The following SLC25A21 variants were observed in gnomAD, a reference collection of about 807,000 sequenced individuals.
SLC25A21 encodes mitochondrial 2-oxodicarboxylate carrier.
Under a neutral mutation model 43.8 loss-of-function variants are expected in SLC25A21, and 47 were observed. That is an observed-to-expected ratio of 1.07 (90% CI 0.85 to 1.37). The LOEUF (loss-of-function observed/expected upper bound fraction) is 1.37, where lower values mean the gene tolerates loss of function less well. Among genes scored for constraint, SLC25A21 ranks in the 40% most tolerant of loss-of-function variants. The pLI is 0.00. For missense variants in SLC25A21, 352 were observed against 350.2 expected (o/e 1.00, Z -0.04); for synonymous variants, 131 against 121.3 (o/e 1.08, Z -0.52).
chr14:36,985,131 T>A (rs1221025920), intron 1 of SLC25A21, among the ~76,000 whole-genome samples: 3 of 143,534 alleles, frequency 2.1e-5, no homozygotes. Context: ...AACAATGAGA[T>A]CACATGGACA....
Position 36,680,706 on chromosome 14 carries a change from C to T in SLC25A21, c.852G>A (p.Met284Ile). The T allele has an allele frequency of 6.2e-7, 1 of 1,612,976 alleles. No individual in the cohort carries two copies. Among genetic ancestry groups the T allele is most frequent in the South Asian group, 1.1e-5 (1 of 90,818 alleles). ...IMRLGPGGAV[M>I]LLVYEYTYSW... ...AATAGGTGTATTCATAAACCAGCAGCATCACTGCACCACCTAGAAAAGAAA... is the reference window on the plus strand; with the variant it reads ...AATAGGTGTATTCATAAACCAGCAGTATCACTGCACCACCTAGAAAAGAAA... Residue 284 changes from methionine (M) to isoleucine (I), a missense_variant, in exon 10 of 10, where the codon ATG becomes ATA. Met to Ile is a conservative substitution (Grantham distance 10). Coordinates refer to ENST00000331299, the MANE Select transcript of SLC25A21 (RefSeq NM_030631.4).
intron 2 of SLC25A21, among the ~76,000 whole-genome samples, chr14:36,857,084 T>G (rs935781686): frequency 6.6e-6 from 1 of 152,220 alleles, no homozygotes; most frequent in Non-Finnish European, 1.5e-5. Flanking sequence ...AGTAGCCAAA[T>G]GGAATAAAGT....
chr14:37,052,313 G>A (rs114143143), intron 1 of SLC25A21, among the ~76,000 whole-genome samples: 13,607 of 152,116 alleles, frequency 0.089, 1,992 homozygotes, highest in African/African-American at 0.31. Flanking sequence ...CTTTAGGCCT[G>A]TAGGTCCAAA....
intron 2 of SLC25A21, among the ~76,000 whole-genome samples, chr14:36,862,340 C>T (rs1048051386): frequency 3.9e-5 from 6 of 152,152 alleles, no homozygotes; most frequent in African/African-American, 1.4e-4. Context: ...TTCACAATAG[C>T]AAAGACTTGG....
At chr14:36,764,107 G>GGAAGGAAGGAAGGAAGGAAA (rs1566587790) in intron 3 of SLC25A21, among the ~76,000 whole-genome samples, 1 of 43,114 alleles carries the variant, frequency 2.3e-5, no homozygotes, top group African/African-American at 8.4e-5. Context: ...AAGGAAGGAA[G>GGAAGGAAGGAAGGAAGGAAA]GAAGGAAAGA....
At chr14:36,995,267 T>C (rs28420078) in intron 1 of SLC25A21, among the ~76,000 whole-genome samples, 7,095 of 152,270 alleles carry the variant, frequency 0.047, 572 homozygotes, top group African/African-American at 0.16. Context: ...TCTACATACA[T>C]GGTTATCCTA....
At chr14:36,730,221 G>C (rs965409068) in intron 4 of SLC25A21, among the ~76,000 whole-genome samples, 1 of 152,182 alleles carries the variant, frequency 6.6e-6, no homozygotes, top group Non-Finnish European at 1.5e-5. Context: ...GGTTTCTTCA[G>C]TAGACAATGT....
intron 1 of SLC25A21, among the ~76,000 whole-genome samples, chr14:37,080,230 T>C (rs1962359823): frequency 1.3e-5 from 2 of 152,214 alleles, no homozygotes; most frequent in South Asian, 2.1e-4. Context: ...TAACTTCTAC[T>C]GTAGCATTCA....
intron 2 of SLC25A21, among the ~76,000 whole-genome samples, chr14:36,865,293 T>C (rs2138538935): frequency 6.6e-6 from 1 of 152,244 alleles, no homozygotes; most frequent in South Asian, 2.1e-4. Flanking sequence ...AAGTTTGTGG[T>C]GGGCTTATGC....
At chr14:36,813,068 T>C (rs978734666) in intron 3 of SLC25A21, among the ~76,000 whole-genome samples, 1 of 152,122 alleles carries the variant, frequency 6.6e-6, no homozygotes, top group East Asian at 1.9e-4. Flanking sequence ...TTATACTGGA[T>C]AGTTAAAAAA....
At chr14:37,011,447 C>T (rs1286352966) in intron 1 of SLC25A21, among the ~76,000 whole-genome samples, 5 of 152,052 alleles carry the variant, frequency 3.3e-5, no homozygotes, top group Admixed American at 6.6e-5. Context: ...ATGAGAAAAA[C>T]TTCTATAGGA....
In SLC25A21 at chr14:36,824,663, T is replaced by C. The variant is rs192308165; in HGVS notation, c.120-10662A>G. Among the ~76,000 whole-genome samples the C allele has an allele frequency of 1.9e-3, 287 of 152,224 alleles. 1 individual carries two copies. The highest frequency in any genetic ancestry group is 6.7e-3 in the African/African-American group (279 of 41,538). The stretch of plus-strand genomic sequence containing the variant: ...AGAGGAAGCAGTTTTCTGCTTCCAG[T>C]GGTACTGTACTAAAAATTTCATCTC... On this transcript the variant is annotated intron_variant, in intron 2 of 9. Coordinates refer to ENST00000331299, the MANE Select transcript of SLC25A21 (RefSeq NM_030631.4).
In SLC25A21 at chr14:36,936,937, AAC is replaced by A. The variant is rs59337717; in HGVS notation, c.71-61935_71-61934del. Reference sequence around the variant, plus strand: ...TTCCTGCTGCTGGAGGCTCATTTATAACAGTGTACCTGGAGCCATAAGGTCAT... The same window carrying A: ...TTCCTGCTGCTGGAGGCTCATTTATAAGTGTACCTGGAGCCATAAGGTCAT... On this transcript the variant is annotated intron_variant, in intron 1 of 9. Coordinates refer to ENST00000331299, the MANE Select transcript of SLC25A21 (RefSeq NM_030631.4). Among the ~76,000 whole-genome samples, 1,019 of 152,276 alleles carry A rather than the reference AAC, an allele frequency of 6.7e-3. 20 individuals carry two copies. Among genetic ancestry groups the A allele is most frequent in the African/African-American group, 0.023 (947 of 41,574 alleles).
chr14:36,786,950 GTGGTAATAAAATAA>G (rs1162126429), intron 3 of SLC25A21, among the ~76,000 whole-genome samples: 1 of 152,182 alleles, frequency 6.6e-6, no homozygotes, highest in East Asian at 1.9e-4. Flanking sequence ...TTATGAGCCT[GTGGTAATAAAATAA>G]ACACACACAG....
At chr14:36,826,847 C>T (rs1016584958) in intron 2 of SLC25A21, among the ~76,000 whole-genome samples, 5 of 152,176 alleles carry the variant, frequency 3.3e-5, no homozygotes, top group African/African-American at 9.6e-5. Context: ...CCCAGGTGGT[C>T]ACTCTCAGGT....
chr14:36,778,360 C>A (rs1194077113), intron 3 of SLC25A21, among the ~76,000 whole-genome samples: 1 of 152,222 alleles, frequency 6.6e-6, no homozygotes, highest in South Asian at 2.1e-4. Flanking sequence ...ACAAGACCAC[C>A]AACCTATAGG....
intron 1 of SLC25A21, among the ~76,000 whole-genome samples, chr14:37,042,297 T>C (rs1473951898): frequency 6.6e-6 from 1 of 152,204 alleles, no homozygotes; most frequent in Non-Finnish European, 1.5e-5. Context: ...TTGAGTTATG[T>C]TGGGGAGGGG....
At chr14:37,063,980 T>C (rs753108412) in intron 1 of SLC25A21, among the ~76,000 whole-genome samples, 1 of 152,126 alleles carries the variant, frequency 6.6e-6, no homozygotes, top group Non-Finnish European at 1.5e-5. Flanking sequence ...TTAAGGAATA[T>C]CTAGATAACT....
At chr14:36,742,069 T>C (rs537806166) in intron 3 of SLC25A21, among the ~76,000 whole-genome samples, 1 of 152,336 alleles carries the variant, frequency 6.6e-6, no homozygotes, top group South Asian at 2.1e-4. Context: ...TTCCATTTCT[T>C]GTATGGAAGC....
Sources: gnomAD v4.1 joint callset for allele counts (sites outside exome capture counted in the v4.1 genomes callset) on GRCh38, gnomAD v4.1.1 for gene constraint, MANE v1.5 for transcripts, NCBI Gene and HGNC (gene_info 2026-07-23, HGNC 2026-07-21) for gene names.